Variants in ARSB observed in about 807,000 individuals in gnomAD.
ARSB encodes N-acetylgalactosamine-4-sulfatase.
ARSB carries 41 observed loss-of-function variants against 50.9 expected under a neutral mutation model. The ratio of observed to expected loss-of-function variants is 0.81; its 90% CI spans 0.63 to 1.04. The LOEUF (loss-of-function observed/expected upper bound fraction) is 1.04. Among genes scored for constraint, ARSB ranks in the 50% least tolerant of loss-of-function variants. The pLI, the probability that ARSB is intolerant of heterozygous loss-of-function variation, is 0.00. For synonymous variants in ARSB, 269 were observed against 284.8 expected (o/e 0.94, Z 0.56); for missense variants, 672 against 693.3 (o/e 0.97, Z 0.35).
chr5:78,791,051 T>C (rs1749220992), intron 6 of ARSB, among the ~76,000 whole-genome samples: 1 of 152,224 alleles, frequency 6.6e-6, no homozygotes, highest in Non-Finnish European at 1.5e-5. Context: ...TCACAATTTA[T>C]GAAGATCAGC....
intron 5 of ARSB, among the ~76,000 whole-genome samples, chr5:78,848,822 A>G (rs1423521711): frequency 1.3e-5 from 2 of 152,156 alleles, no homozygotes; most frequent in East Asian, 1.9e-4. Flanking sequence ...GATGGCCAGT[A>G]ATGATGAGCA....
chr5:78,789,129 A>G (rs1476703581), intron 6 of ARSB, among the ~76,000 whole-genome samples: 3 of 152,260 alleles, frequency 2.0e-5, no homozygotes, highest in African/African-American at 4.8e-5. Context: ...TGTATAATAC[A>G]GTCTATGATT....
At chr5:78,786,796 G>A (rs1255452045) in intron 6 of ARSB, among the ~76,000 whole-genome samples, 1 of 152,042 alleles carries the variant, frequency 6.6e-6, no homozygotes, top group Non-Finnish European at 1.5e-5. Context: ...ATTTTTTATA[G>A]AGATGGGGGT....
intron 1 of ARSB, among the ~76,000 whole-genome samples, chr5:78,983,346 C>A (rs1211384435): frequency 6.6e-6 from 1 of 152,172 alleles, no homozygotes; most frequent in African/African-American, 2.4e-5. Flanking sequence ...AGCCACCGTT[C>A]CCGGCCCAGG....
chr5:78,815,662 T>C lies in ARSB; in HGVS notation c.1213+23694A>G. 14 of 1,007,410 alleles carry C rather than the reference T, an allele frequency of 1.4e-5. 1 individual carries two copies. Among genetic ancestry groups the C allele is most frequent in the Non-Finnish European group, 1.7e-5 (14 of 842,824 alleles). The allele number at this position is 1,007,410 out of a possible 1,614,324, so 62.4% of individuals were successfully genotyped here. A position where few individuals can be genotyped will look rare whatever the true frequency, so the allele number is the denominator to read the frequency against. On this transcript the variant is annotated intron_variant, in intron 6 of 7. Coordinates refer to ENST00000264914, the MANE Select transcript of ARSB (RefSeq NM_000046.5). ...GTAATAAGAAAAGTTCCAAACATTA[T>C]TCACTGGGATGCTCAAAAGTAAGCT...
intron 5 of ARSB, among the ~76,000 whole-genome samples, chr5:78,881,222 ACT>A (rs1747732879): frequency 6.6e-6 from 1 of 152,030 alleles, no homozygotes; most frequent in East Asian, 1.9e-4. Context: ...ACAGAGCAAG[ACT>A]CTGTCTTAAA....
intron 4 of ARSB, among the ~76,000 whole-genome samples, chr5:78,897,665 G>A (rs569457289): frequency 6.6e-5 from 10 of 152,054 alleles, no homozygotes; most frequent in Non-Finnish European, 1.5e-4. Context: ...ATAAATGTAT[G>A]GGAAATCAAG....
chr5:78,823,238 A>ACC (rs1423677484), intron 6 of ARSB, among the ~76,000 whole-genome samples: 1 of 152,216 alleles, frequency 6.6e-6, no homozygotes, highest in Non-Finnish European at 1.5e-5. Context: ...TAATGATGAC[A>ACC]CTGGGCAAGA....
intron 6 of ARSB, among the ~76,000 whole-genome samples, chr5:78,803,246 C>T (rs971362349): frequency 2.6e-5 from 4 of 152,166 alleles, no homozygotes; most frequent in Non-Finnish European, 5.9e-5. Context: ...CTCCAGCCTC[C>T]CGACAGACAA....
chr5:78,969,571 C>T (rs1157231803), intron 1 of ARSB, among the ~76,000 whole-genome samples: 2 of 152,172 alleles, frequency 1.3e-5, no homozygotes, highest in Non-Finnish European at 2.9e-5. Context: ...TTAGAAGACA[C>T]TTCTGTAATC....
chr5:78,880,635 T>C (rs1187786676), intron 5 of ARSB, among the ~76,000 whole-genome samples: 1 of 152,218 alleles, frequency 6.6e-6, no homozygotes, highest in Admixed American at 6.5e-5. Flanking sequence ...AGTTCAAGAT[T>C]TGCTTTGCTT....
chr5:78,839,317 C>A, intron 6 of ARSB, 39 bp downstream of exon 6: 1 of 1,587,778 alleles, frequency 6.3e-7, no homozygotes, highest in South Asian at 1.1e-5. Flanking sequence ...CTTGGTGGGC[C>A]AATTAGATTT....
At chr5:78,913,462 C>G (rs1003291918) in intron 4 of ARSB, among the ~76,000 whole-genome samples, 33 of 152,194 alleles carry the variant, frequency 2.2e-4, no homozygotes, top group Non-Finnish European at 1.6e-4. Flanking sequence ...GGCCAAGTTA[C>G]AGACAAATGC....
intron 4 of ARSB, among the ~76,000 whole-genome samples, chr5:78,903,764 T>C (rs1355262327): frequency 6.6e-6 from 1 of 152,210 alleles, no homozygotes; most frequent in African/African-American, 2.4e-5. Flanking sequence ...TCAAAATAGA[T>C]AAGAGATTAC....
At position 78,964,466 on chromosome 5, in the gene ARSB, T is replaced by A; in HGVS notation, c.640A>T (p.Ile214Leu). The A allele has an allele frequency of 6.8e-6, 11 of 1,614,116 alleles. No individual in the cohort carries two copies. The highest frequency in any genetic ancestry group is 9.3e-6 in the Non-Finnish European group (11 of 1,179,946). The change falls in exon 3 of 8, where the codon ATA becomes TTA. Residue 214 changes from isoleucine to leucine, a missense_variant. Ile to Leu is a conservative substitution (Grantham distance 5). Coordinates refer to ENST00000264914, the MANE Select transcript of ARSB (RefSeq NM_000046.5). The part of the protein sequence containing the change: ...TGYKNMYSTN[I>L]FTKRAIALIT... ...AGGGCTATAGCCCTTTTGGTGAATATGTTTGTTGAATACATATTTTTATAT... is the reference window on the plus strand; with the variant it reads ...AGGGCTATAGCCCTTTTGGTGAATAAGTTTGTTGAATACATATTTTTATAT...
chr5:78,863,941 T>C (rs1355515200), intron 5 of ARSB, among the ~76,000 whole-genome samples: 1 of 151,940 alleles, frequency 6.6e-6, no homozygotes, highest in East Asian at 1.9e-4. Context: ...CATAGAATAA[T>C]GGTGGCCATC....
intron 4 of ARSB, among the ~76,000 whole-genome samples, chr5:78,942,979 A>G (rs1751014651): frequency 6.6e-6 from 1 of 152,152 alleles, no homozygotes; most frequent in Non-Finnish European, 1.5e-5. Context: ...TTGGGTGCAT[A>G]TATATTTAGG....
intron 4 of ARSB, among the ~76,000 whole-genome samples, chr5:78,939,444 C>T (rs1227164425): frequency 6.6e-6 from 1 of 152,082 alleles, no homozygotes; most frequent in Admixed American, 6.5e-5. Context: ...CCCCCGACCC[C>T]ACAACAGGCC....
chr5:78,815,613 T>A, intron 6 of ARSB: 2 of 987,010 alleles, frequency 2.0e-6, no homozygotes, highest in Non-Finnish European at 2.4e-6. Flanking sequence ...TTAGCTGACT[T>A]CACTCTTCTC....
Sources: allele counts gnomAD v4.1 joint callset (sites outside exome capture counted in the v4.1 genomes callset), GRCh38; gene constraint gnomAD v4.1.1; transcripts MANE v1.5; gene names NCBI Gene and HGNC (gene_info 2026-07-23, HGNC 2026-07-21).